Variants in FBXO41 observed in about 807,000 individuals in gnomAD.
FBXO41 encodes the protein F-box only protein 41.
A neutral mutation model predicts 81.6 loss-of-function variants in FBXO41; 33 were observed. The observed-to-expected ratio is 0.40, with a 90% CI of 0.31 to 0.54. The LOEUF (loss-of-function observed/expected upper bound fraction) is 0.54. Ranked by LOEUF, FBXO41 falls within the 20% of genes least tolerant of loss-of-function variation. The pLI is 0.39. For synonymous variants in FBXO41, 576 were observed against 552.7 expected (o/e 1.04, Z -0.59); for missense variants, 1,107 against 1,236.0 (o/e 0.90, Z 1.56).
intron 1 of FBXO41, among the ~76,000 whole-genome samples, chr2:73,276,363 C>T (rs545196805): frequency 8.6e-5 from 13 of 151,634 alleles, no homozygotes; most frequent in Admixed American, 5.9e-4. Context: ...TGAGCCATTC[C>T]GCCATTGCAC....
Position 73,257,618 on chromosome 2 carries a change from A to C in FBXO41, c.*1364T>G, listed in dbSNP as rs781581407. 6.6e-6 allele frequency: 1 copy of C among 152,194 alleles called. No individual in the cohort carries two copies. The highest frequency in any genetic ancestry group is 1.5e-5 in the Non-Finnish European group (1 of 68,048). The allele number at this position is 152,194 out of a possible 1,614,324, so 9.4% of individuals were successfully genotyped here. ...TTTAGATGTTCGAAAGAACTTTCCA[A>C]ATGAAAGTTGGCAGGACCCCCGGCC... On this transcript the variant is annotated 3_prime_UTR_variant, in exon 13 of 13. Coordinates refer to ENST00000520530, the MANE Select transcript of FBXO41 (RefSeq NM_001371389.2). The surrounding 1 kb of genome is among the most constrained non-coding windows in gnomAD (Gnocchi z 4.6).
intron 2 of FBXO41, among the ~76,000 whole-genome samples, chr2:73,267,290 T>C (rs557551362): frequency 3.3e-5 from 5 of 152,098 alleles, no homozygotes; most frequent in East Asian, 3.9e-4. Context: ...CAAAGAACCA[T>C]TGAGGCACAG....
Position 73,269,673 on chromosome 2 carries a change from C to T in FBXO41, c.-43G>A. Reference sequence around the variant, plus strand: ...GGCACGCGGGCTCCACCGCGGCCGCCCCGCCGGTCAGCCGGGCGCGCTCAT... The same window carrying T: ...GGCACGCGGGCTCCACCGCGGCCGCTCCGCCGGTCAGCCGGGCGCGCTCAT... On this transcript the variant is annotated 5_prime_UTR_variant, in exon 2 of 13. Coordinates refer to ENST00000520530, the MANE Select transcript of FBXO41 (RefSeq NM_001371389.2). This position sits in a 1 kb window ranked among gnomAD's most constrained non-coding sequence, Gnocchi z 7.0. The T allele has an allele frequency of 1.8e-6, 2 of 1,139,328 alleles. No individual in the cohort carries two copies. The highest frequency in any genetic ancestry group is 1.1e-6 in the Non-Finnish European group (1 of 930,922). The allele number at this position is 1,139,328 out of a possible 1,614,324, so 70.6% of individuals were successfully genotyped here. A position where few individuals can be genotyped will look rare whatever the true frequency, so the allele number is the denominator to read the frequency against.
chr2:73,281,759 C>T (rs936161785), intron 1 of FBXO41, among the ~76,000 whole-genome samples: 2 of 152,216 alleles, frequency 1.3e-5, no homozygotes, highest in African/African-American at 4.8e-5. Context: ...ACAGTCACAG[C>T]TGACCCACAG....
Position 73,269,060 on chromosome 2 carries a change from G to A in FBXO41, c.571C>T (p.Pro191Ser), listed in dbSNP as rs867674601. 6.6e-7 allele frequency: 1 copy of A among 1,525,636 alleles called. No individual in the cohort carries two copies. Among genetic ancestry groups the A allele is most frequent in the Non-Finnish European group, 8.8e-7 (1 of 1,141,590 alleles). 94.5% of individuals were successfully genotyped at this position (1,525,636 alleles called of 1,614,324 possible). The change falls in exon 2 of 13, where the codon CCC becomes TCC. Residue 191 changes from proline to serine, a missense_variant. Pro to Ser is a moderately conservative substitution (Grantham distance 74). Transcript: ENST00000520530. The surrounding 1 kb of genome is among the most constrained non-coding windows in gnomAD (Gnocchi z 7.0). ...PGPASASPASPSPADVAYEEG... is the reference protein window; with the variant it reads ...PGPASASPASSSPADVAYEEG... ...TCGTAGGCCACATCAGCGGGTGAGGGGGACGCGGGCGAAGCGGAGGCAGGC... is the reference window on the plus strand; with the variant it reads ...TCGTAGGCCACATCAGCGGGTGAGGAGGACGCGGGCGAAGCGGAGGCAGGC...
intron 1 of FBXO41, chr2:73,270,700 C>T (rs959538939): frequency 4.4e-6 from 2 of 459,178 alleles, no homozygotes; most frequent in Non-Finnish European, 8.9e-6. Context: ...GGCACAAGGT[C>T]CCTCCATCCC....
At chr2:73,282,654 G>C (rs1688881330) in intron 1 of FBXO41, among the ~76,000 whole-genome samples, 1 of 152,166 alleles carries the variant, frequency 6.6e-6, no homozygotes, top group African/African-American at 2.4e-5. Context: ...AGTGAGCCAT[G>C]ATCACTCCAC....
rs1468702655 is a variant in FBXO41, at chr2:73,259,260, A to G, written c.2486T>C (p.Ile829Thr). 1.9e-6 allele frequency: 3 copies of G among 1,614,000 alleles called. No homozygotes were observed. The highest frequency in any genetic ancestry group is 2.5e-6 in the Non-Finnish European group (3 of 1,179,886). The change falls in exon 12 of 13, where the codon ATT becomes ACT. Residue 829 changes from isoleucine to threonine, a missense_variant. Ile to Thr is a moderately conservative substitution (Grantham distance 89). Transcript: ENST00000520530. This position sits in a 1 kb window ranked among gnomAD's most constrained non-coding sequence, Gnocchi z 4.2. ...CRNLKSIVVQ[I>T]GIADYFKEPS... ...CTCTTTGAAATAATCCGCAATCCCAATCTGGACCACAATGGACTTGAGGTT... is the reference window on the plus strand; with the variant it reads ...CTCTTTGAAATAATCCGCAATCCCAGTCTGGACCACAATGGACTTGAGGTT...
chr2:73,279,038 G>A (rs1362571115), intron 1 of FBXO41, among the ~76,000 whole-genome samples: 1 of 152,210 alleles, frequency 6.6e-6, no homozygotes, highest in Non-Finnish European at 1.5e-5. Context: ...GAAGAAGGTT[G>A]TTGGAACACC....
chr2:73,263,788 A>T lies in FBXO41; in HGVS notation c.1965T>A (p.Ala655=), dbSNP rs768115045. The T allele has an allele frequency of 6.2e-7, 1 of 1,614,050 alleles. No homozygotes were observed. Among genetic ancestry groups the T allele is most frequent in the Admixed American group, 1.7e-5 (1 of 60,034 alleles). ...TGCGCAGGATCAGCAGGTTCCCCCC[A>T]GCTGCCTTCAGCAGGGACTCCAGCC... ...EAGLESLLKA[A]GGNLLILRIS... is the part of the protein sequence containing the mutation. The change falls in exon 8 of 13, where the codon GCT becomes GCA. Residue 655 remains alanine, a synonymous_variant. Transcript: ENST00000520530.
chr2:73,269,448 GGCAGCGGCGGCGGCGGCC>G lies in FBXO41; in HGVS notation c.165_182del (p.Ala56_Ala61del), dbSNP rs578258802. On this transcript the variant is annotated inframe_deletion, in exon 2 of 13. Coordinates refer to ENST00000520530, the MANE Select transcript of FBXO41 (RefSeq NM_001371389.2). The surrounding 1 kb of genome is among the most constrained non-coding windows in gnomAD (Gnocchi z 7.0). ...GCTCGGGAGCCAGCGGGAACCCCGA[GGCAGCGGCGGCGGCGGCC>G]GCGGCGGCGGCGGCGCCGTCGCAGA... 3,347 of 1,302,878 alleles carry G rather than the reference GGCAGCGGCGGCGGCGGCC, an allele frequency of 2.6e-3. 145 individuals carry two copies. The highest frequency in any genetic ancestry group is 1.6e-3 in the Non-Finnish European group (1,665 of 1,028,980). The allele number at this position is 1,302,878 out of a possible 1,614,324, so 80.7% of individuals were successfully genotyped here. A position where few individuals can be genotyped will look rare whatever the true frequency, so the allele number is the denominator to read the frequency against.
In FBXO41 at chr2:73,276,426, T is replaced by A. The variant is rs72905396; in HGVS notation, c.-138-6658A>T. Among the ~76,000 whole-genome samples the A allele has an allele frequency of 5.4e-3, 817 of 151,526 alleles. 14 individuals are homozygous for A. Among genetic ancestry groups the A allele is most frequent in the African/African-American group, 0.017 (717 of 41,112 alleles). Reference sequence around the variant, plus strand: ...CCATCTCAAAAAAAGACAAAAAAAATGGTGTGTAGTAATTGTTTCAACATC... The same window carrying A: ...CCATCTCAAAAAAAGACAAAAAAAAAGGTGTGTAGTAATTGTTTCAACATC... On this transcript the variant is annotated intron_variant, in intron 1 of 12. Coordinates refer to ENST00000520530, the MANE Select transcript of FBXO41 (RefSeq NM_001371389.2).
intron 2 of FBXO41, among the ~76,000 whole-genome samples, chr2:73,267,822 T>TA (rs1375418674): frequency 3.3e-5 from 5 of 152,128 alleles, no homozygotes; most frequent in Admixed American, 1.3e-4. Context: ...GTCTATTTTA[T>TA]AAAAAAAAGT....
At chr2:73,275,751 C>A (rs1304391968) in intron 1 of FBXO41, among the ~76,000 whole-genome samples, 3 of 152,160 alleles carry the variant, frequency 2.0e-5, no homozygotes, top group Non-Finnish European at 4.4e-5. Context: ...CATATTATTT[C>A]ATCCATAAAT....
At chr2:73,271,122 C>T (rs963180204) in intron 1 of FBXO41, 3 of 361,922 alleles carry the variant, frequency 8.3e-6, no homozygotes, top group Non-Finnish European at 1.6e-5. Flanking sequence ...GCTTCCCTCA[C>T]ACAGGTTTAC....
intron 5 of FBXO41, 78 bp downstream of exon 5, chr2:73,265,204 A>G: frequency 7.3e-7 from 1 of 1,369,260 alleles, no homozygotes; most frequent in Non-Finnish European, 9.8e-7. Flanking sequence ...AGTCTGGGGA[A>G]AGGGGAGGGG....
Position 73,257,213 on chromosome 2 carries a change from C to T in FBXO41, c.*1769G>A. 6.5e-6 allele frequency: 1 copy of T among 153,204 alleles called. No homozygotes were observed. The highest frequency in any genetic ancestry group is 1.9e-4 in the East Asian group (1 of 5,208). The allele number at this position is 153,204 out of a possible 1,614,324, so 9.5% of individuals were successfully genotyped here. On this transcript the variant is annotated 3_prime_UTR_variant, in exon 13 of 13. Transcript: ENST00000520530. The surrounding 1 kb of genome is among the most constrained non-coding windows in gnomAD (Gnocchi z 4.6). ...GGTAGGAGGCAAGGGGTGCCACACA[C>T]AGCCAAGGCTTTGTGCAGGACTGGG...
intron 8 of FBXO41, 118 bp downstream of exon 8, chr2:73,263,560 C>T: frequency 7.5e-7 from 1 of 1,327,742 alleles, no homozygotes; most frequent in East Asian, 2.4e-5. Flanking sequence ...TTCCTTCAGC[C>T]ATAGAGCTCT....
intron 1 of FBXO41, among the ~76,000 whole-genome samples, chr2:73,272,746 ACCACC>A (rs1688577699): frequency 6.6e-6 from 1 of 152,174 alleles, no homozygotes; most frequent in Non-Finnish European, 1.5e-5. Context: ...CTTCTACACC[ACCACC>A]AGGGACTTCA....
Sources: gnomAD v4.1 joint callset for allele counts (sites outside exome capture counted in the v4.1 genomes callset) on GRCh38, gnomAD v4.1.1 for gene constraint, Gnocchi (gnomAD v3.1) non-coding constraint, MANE v1.5 for transcripts, NCBI Gene and HGNC (gene_info 2026-07-23, HGNC 2026-07-21) for gene names.